Variants in TSPAN7 observed in about 807,000 individuals in gnomAD.
The protein encoded by TSPAN7 is tetraspanin-7.
In TSPAN7, 1 loss-of-function variant was observed where a neutral mutation model predicts 17.6. The ratio of observed to expected loss-of-function variants is 0.06; its 90% CI spans 0.02 to 0.27. The LOEUF (loss-of-function observed/expected upper bound fraction) is 0.27. Ranked by LOEUF, TSPAN7 falls within the 10% of genes least tolerant of loss-of-function variation. TSPAN7 has a pLI of 1.00. For missense variants in TSPAN7, 112 were observed against 201.7 expected, an observed-to-expected ratio of 0.56 and a Z score of 2.69; for synonymous variants, 78 against 79.0, an observed-to-expected ratio of 0.99 and a Z score of 0.07.
chrX:38,661,647 C>T (rs769497505), intron 1 of TSPAN7, among the ~76,000 whole-genome samples: 11 of 111,654 alleles, frequency 9.9e-5, no homozygotes, highest in Admixed American at 3.8e-4. Context: ...TCTCTCTCCT[C>T]CCCGAACCAC....
chrX:38,668,196 A>C (rs1193458460), intron 2 of TSPAN7, among the ~76,000 whole-genome samples: 1 of 112,322 alleles, frequency 8.9e-6, no homozygotes, highest in Non-Finnish European at 1.9e-5. Flanking sequence ...TTGTAACAAA[A>C]TAGAATTGGA....
At chrX:38,629,613 C>T (rs1217401710) in intron 1 of TSPAN7, among the ~76,000 whole-genome samples, 1 of 111,314 alleles carries the variant, frequency 9.0e-6, no homozygotes, top group African/African-American at 3.3e-5. Context: ...GAAAAAGGGA[C>T]GGGAGGTGTG....
chrX:38,628,604 T>C (rs1215858320), intron 1 of TSPAN7, among the ~76,000 whole-genome samples: 1 of 111,703 alleles, frequency 9.0e-6, no homozygotes. Context: ...TCATCTCAGG[T>C]CAATATTGGA....
chrX:38,621,646 G>A (rs912726337), intron 1 of TSPAN7, among the ~76,000 whole-genome samples: 7 of 111,994 alleles, frequency 6.3e-5, no homozygotes, highest in African/African-American at 1.9e-4. Context: ...AAGGAAATTC[G>A]GAGATTAGGG....
chrX:38,594,532 T>G (rs1441690127), intron 1 of TSPAN7, among the ~76,000 whole-genome samples: 1 of 111,593 alleles, frequency 9.0e-6, no homozygotes, highest in Admixed American at 9.5e-5. Context: ...TTTCATCCCT[T>G]TCTCTATTGC....
intron 1 of TSPAN7, among the ~76,000 whole-genome samples, chrX:38,594,844 T>C (rs1478284075): frequency 1.8e-5 from 2 of 111,875 alleles, no homozygotes; most frequent in African/African-American, 6.5e-5. Context: ...GTTACCATTT[T>C]GTGCATGCAT....
At chrX:38,646,427 A>G in intron 1 of TSPAN7, 1 of 679,271 alleles carries the variant, frequency 1.5e-6, no homozygotes, top group East Asian at 3.7e-5. Flanking sequence ...GGAATAGAGT[A>G]GAAATATTAG....
intron 1 of TSPAN7, among the ~76,000 whole-genome samples, chrX:38,640,316 G>T (rs1043357529): frequency 9.0e-6 from 1 of 111,418 alleles, no homozygotes; most frequent in African/African-American, 3.3e-5. Context: ...TTCCTCACCC[G>T]CTTTCAAAAC....
At chrX:38,584,204 C>T (rs771203190) in intron 1 of TSPAN7, among the ~76,000 whole-genome samples, 3 of 110,281 alleles carry the variant, frequency 2.7e-5, no homozygotes, top group South Asian at 3.9e-4. Flanking sequence ...CCACTCGCCT[C>T]GGCCTCCCAA....
chrX:38,655,583 C>G (rs2069698774), intron 1 of TSPAN7, among the ~76,000 whole-genome samples: 1 of 110,518 alleles, frequency 9.0e-6, no homozygotes, highest in African/African-American at 3.3e-5. Context: ...TGCTCTTGAA[C>G]ACTGCATACA....
rs186380907 is a variant in TSPAN7 at position 38,576,788 on chromosome X, C to T, written c.81+15161C>T. On this transcript the variant is annotated intron_variant, in intron 1 of 7. Coordinates refer to ENST00000378482, the MANE Select transcript of TSPAN7 (RefSeq NM_004615.4). ...AGTTTAGCTGTAATAAAAAGTGAGGCATGCAGCAAGTCTAGGTAAGTAGAC... is the reference window on the plus strand; with the variant it reads ...AGTTTAGCTGTAATAAAAAGTGAGGTATGCAGCAAGTCTAGGTAAGTAGAC... 3.6e-5 allele frequency among the ~76,000 whole-genome samples: 4 copies of T among 111,813 alleles called. 1 individual carries two copies. The highest frequency in any genetic ancestry group is 1.9e-4 in the Admixed American group (2 of 10,565).
intron 1 of TSPAN7, among the ~76,000 whole-genome samples, chrX:38,571,192 C>G (rs2069167799): frequency 9.0e-6 from 1 of 110,956 alleles, no homozygotes; most frequent in South Asian, 3.8e-4. Flanking sequence ...TTCCAGGTGC[C>G]TTATACTAGA....
chrX:38,563,105 AT>A (rs942856044), intron 1 of TSPAN7: 5 of 968,534 alleles, frequency 5.2e-6, no homozygotes, highest in Admixed American at 6.1e-5. Flanking sequence ...ACATTTCCTT[AT>A]CGCTGGCGTT....
intron 1 of TSPAN7, among the ~76,000 whole-genome samples, chrX:38,570,074 G>A (rs888260411): frequency 1.8e-5 from 2 of 111,982 alleles, no homozygotes; most frequent in Non-Finnish European, 3.8e-5. Flanking sequence ...AAGCTCTGAA[G>A]GTTGCTGCTG....
rs1001775050 is a variant in TSPAN7 at position 38,599,064 on chromosome X, C to T, written c.81+37437C>T. Among the ~76,000 whole-genome samples, 10 of 111,450 alleles carry T rather than the reference C, an allele frequency of 9.0e-5. No individual in the cohort carries two copies. In the East Asian group the frequency reaches 1.7e-3, roughly 19 times the overall value. ...TGAATTATTGCAATACACAACACTG[C>T]GGATGAATCTTATTAAGTTAAAGTA... On this transcript the variant is annotated intron_variant, in intron 1 of 7. Coordinates refer to ENST00000378482, the MANE Select transcript of TSPAN7 (RefSeq NM_004615.4).
rs180964132 is a variant in TSPAN7 at position 38,638,091 on chromosome X, C to T, written c.82-28030C>T. On this transcript the variant is annotated intron_variant, in intron 1 of 7. Coordinates refer to ENST00000378482, the MANE Select transcript of TSPAN7 (RefSeq NM_004615.4). ...CTACTTTGTAGGGCATGGCATGGGT[C>T]CCTGGCTAACTCTGCAAAGCAGGGA... 1.2e-3 allele frequency among the ~76,000 whole-genome samples: 137 copies of T among 111,573 alleles called. 1 individual carries two copies. Among genetic ancestry groups the T allele is most frequent in the African/African-American group, 4.3e-3 (133 of 30,633 alleles).
At chrX:38,622,978 A>G in intron 1 of TSPAN7, 1 of 331,509 alleles carries the variant, frequency 3.0e-6, no homozygotes, top group South Asian at 2.6e-5. Flanking sequence ...GGAAGATGGA[A>G]CCGAAGATTT....
chrX:38,586,996 T>A (rs1349133894), intron 1 of TSPAN7, among the ~76,000 whole-genome samples: 1 of 112,702 alleles, frequency 8.9e-6, no homozygotes, highest in Non-Finnish European at 1.9e-5. Flanking sequence ...AAGTGTCTAA[T>A]GCAAAAGTTT....
chrX:38,680,576 TC>T (rs2069883571), intron 5 of TSPAN7, among the ~76,000 whole-genome samples: 3 of 103,532 alleles, frequency 2.9e-5, no homozygotes, highest in Admixed American at 2.1e-4. Context: ...TCTCTCTCTC[TC>T]TCTCTCTGGA....
Sources: allele counts gnomAD v4.1 joint callset (sites outside exome capture counted in the v4.1 genomes callset), GRCh38; gene constraint gnomAD v4.1.1; transcripts MANE v1.5; gene names NCBI Gene and HGNC (gene_info 2026-07-23, HGNC 2026-07-21).